Variants in DNAH5 observed in about 807,000 individuals in gnomAD.
The protein encoded by DNAH5 is dynein axonemal heavy chain 5.
In DNAH5, 372 loss-of-function variants were observed where a neutral mutation model predicts 518.2. The ratio of observed to expected loss-of-function variants is 0.72; its 90% CI spans 0.66 to 0.78. The LOEUF (loss-of-function observed/expected upper bound fraction) is 0.78. Among genes scored for constraint, DNAH5 ranks in the 30% least tolerant of loss-of-function variants. The pLI is 0.00. For missense variants in DNAH5, 5,523 were observed against 5,687.0 expected (o/e 0.97, Z 0.93); for synonymous variants, 2,039 against 2,025.9 (o/e 1.01, Z -0.17).
chr5:13,921,475 T>TCTCACACACA (rs1554103992), intron 5 of DNAH5, among the ~76,000 whole-genome samples: 8 of 73,766 alleles, frequency 1.1e-4, no homozygotes, highest in Non-Finnish European at 1.8e-4. Flanking sequence ...TATCTCTCTC[T>TCTCACACACA]CACACACACA....
chr5:13,714,281 G>GT, intron 75 of DNAH5, 124 bp downstream of exon 75: 10 of 1,068,962 alleles, frequency 9.4e-6, no homozygotes, highest in Non-Finnish European at 1.4e-5. Flanking sequence ...TAAGAAGCTG[G>GT]TTTTTAAAAG....
intron 11 of DNAH5, among the ~76,000 whole-genome samples, chr5:13,912,389 T>C (rs1776095317): frequency 6.6e-6 from 1 of 151,884 alleles, no homozygotes; most frequent in African/African-American, 2.4e-5. Flanking sequence ...ACTACAAAAT[T>C]AGTTCTATTT....
intron 1 of DNAH5, among the ~76,000 whole-genome samples, chr5:13,972,301 T>G (rs1781930132): frequency 6.6e-6 from 1 of 152,152 alleles, no homozygotes; most frequent in Non-Finnish European, 1.5e-5. Flanking sequence ...CCTGGCGCAG[T>G]TTCTATGCTC....
chr5:13,978,704 T>C (rs1437090619), intron 1 of DNAH5, among the ~76,000 whole-genome samples: 1 of 152,196 alleles, frequency 6.6e-6, no homozygotes, highest in Non-Finnish European at 1.5e-5. Context: ...GTTTGTAGCC[T>C]AGGGGCAATA....
chr5:13,868,049 C>G, intron 24 of DNAH5, 57 bp from the exon 25 acceptor site: 1 of 1,218,464 alleles, frequency 8.2e-7, no homozygotes. Flanking sequence ...AATCTACACA[C>G]AGCCATTTAT....
At position 13,769,609 on chromosome 5, in the gene DNAH5, A is replaced by C; in HGVS notation, c.9612T>G (p.Asn3204Lys). 1 of 1,613,674 alleles carries C rather than the reference A, an allele frequency of 6.2e-7. No homozygotes were observed. The highest frequency in any genetic ancestry group is 1.1e-5 in the South Asian group (1 of 91,072). ...VEVRTLANRMNTGLEKLKEAS... is the reference protein window; with the variant it reads ...VEVRTLANRMKTGLEKLKEAS... Reference sequence around the variant, plus strand: ...CTTCTTTGAGCTTTTCCAATCCAGTATTCATTCTGGGATTGAAAATCCAAG... The same window carrying C: ...CTTCTTTGAGCTTTTCCAATCCAGTCTTCATTCTGGGATTGAAAATCCAAG... Residue 3204 changes from asparagine to lysine, a missense_variant, in exon 57 of 79, where the codon AAT (asparagine) becomes AAG (lysine). Asn to Lys is a moderately conservative substitution (Grantham distance 94). Transcript: ENST00000265104.
chr5:13,804,520 G>A (rs1198075084), intron 47 of DNAH5, among the ~76,000 whole-genome samples: 1 of 152,212 alleles, frequency 6.6e-6, no homozygotes, highest in Non-Finnish European at 1.5e-5. Flanking sequence ...ATTACAGTGA[G>A]AAAGTTAATT....
At chr5:13,905,473 GA>G (rs900422894) in intron 12 of DNAH5, among the ~76,000 whole-genome samples, 1 of 152,126 alleles carries the variant, frequency 6.6e-6, no homozygotes, top group African/African-American at 2.4e-5. Context: ...AGAACTGTAA[GA>G]AATAAATTTC....
intron 55 of DNAH5, among the ~76,000 whole-genome samples, chr5:13,774,140 G>A (rs777974922): frequency 6.6e-6 from 1 of 152,164 alleles, no homozygotes; most frequent in Non-Finnish European, 1.5e-5. Flanking sequence ...TGCAATGTGA[G>A]ATGGATGGGG....
At chr5:13,816,650 A>C (rs1008116098) in intron 42 of DNAH5, among the ~76,000 whole-genome samples, 4 of 152,290 alleles carry the variant, frequency 2.6e-5, no homozygotes, top group African/African-American at 9.6e-5. Context: ...ACAAATCAGG[A>C]ATAAAATTCG....
At chr5:13,911,573 C>T (rs757100687) in intron 11 of DNAH5, 80 bp from the exon 12 acceptor site, 22 of 1,102,880 alleles carry the variant, frequency 2.0e-5, no homozygotes, top group East Asian at 8.0e-5. Context: ...AAATGTAGAG[C>T]CTATACAATA....
Position 13,758,884 on chromosome 5 carries a change from C to A in DNAH5, c.10381G>T (p.Val3461Leu). 3 of 1,614,202 alleles carry A rather than the reference C, an allele frequency of 1.9e-6. No individual in the cohort carries two copies. Among genetic ancestry groups the A allele is most frequent in the Non-Finnish European group, 2.5e-6 (3 of 1,180,028 alleles). Reference sequence around the variant, plus strand: ...ATGGCCTGTTCATACTCAGCCTGCACCACGTCAAGTTCCGCCTGCTTGTCA... The same window carrying A: ...ATGGCCTGTTCATACTCAGCCTGCAACACGTCAAGTTCCGCCTGCTTGTCA... ...LDDKQAELDV[V>L]QAEYEQAMTE... The change falls in exon 61 of 79, where the codon GTG becomes TTG. Residue 3461 changes from valine (V) to leucine (L), a missense_variant. By Grantham distance (32) the Val-to-Leu change is conservative. Around this residue, in one of 3 missense-constraint regions of DNAH5, gnomAD observed 5,121 missense variants for 5,223.3 expected, o/e 0.98. Coordinates refer to ENST00000265104, the MANE Select transcript of DNAH5 (RefSeq NM_001369.3).
At chr5:13,894,398 T>A (rs767293939) in intron 16 of DNAH5, among the ~76,000 whole-genome samples, 3 of 152,158 alleles carry the variant, frequency 2.0e-5, no homozygotes, top group Non-Finnish European at 4.4e-5. Flanking sequence ...ATACTTTAAA[T>A]CCTAATGTCC....
intron 53 of DNAH5, 23 bp from the exon 54 acceptor site, chr5:13,777,378 T>C: frequency 6.2e-7 from 1 of 1,607,864 alleles, no homozygotes; most frequent in South Asian, 1.1e-5. Context: ...TTTCATTTTG[T>C]CATTAGCTAA....
intron 70 of DNAH5, among the ~76,000 whole-genome samples, chr5:13,721,569 G>A (rs944190207): frequency 6.6e-6 from 1 of 152,098 alleles, no homozygotes; most frequent in Non-Finnish European, 1.5e-5. Flanking sequence ...CTATTGTTTA[G>A]GATGCTCTAA....
In DNAH5 at chr5:13,840,971, C is replaced by G. The variant is rs781193700; in HGVS notation, c.5644G>C (p.Glu1882Gln). The G allele has an allele frequency of 6.2e-7, 1 of 1,614,148 alleles. No homozygotes were observed. Among genetic ancestry groups the G allele is most frequent in the East Asian group, 2.2e-5 (1 of 44,878 alleles). ...ATCAGAGTCTCGTATTTCACTCGTTCCGTGGAACTCAGATCCCTCGTGGTG... is the reference window on the plus strand; with the variant it reads ...ATCAGAGTCTCGTATTTCACTCGTTGCGTGGAACTCAGATCCCTCGTGGTG... ...DVTTRDLSST[E>Q]RVKYETLITI... Residue 1882 changes from glutamate (E) to glutamine (Q), a missense_variant, in exon 34 of 79, where the codon GAA becomes CAA. Physicochemically the swap from Glu to Gln is conservative, Grantham distance 29 (BLOSUM62 2). Coordinates refer to ENST00000265104, the MANE Select transcript of DNAH5 (RefSeq NM_001369.3).
chr5:13,964,063 A>T (rs1294501317), intron 1 of DNAH5, among the ~76,000 whole-genome samples: 2 of 152,248 alleles, frequency 1.3e-5, no homozygotes, highest in African/African-American at 2.4e-5. Context: ...GCAGTAGGCT[A>T]AAACACTGTC....
intron 4 of DNAH5, 78 bp from the exon 5 acceptor site, chr5:13,922,406 G>A: frequency 7.3e-7 from 1 of 1,373,244 alleles, no homozygotes; most frequent in Middle Eastern, 1.8e-4. Flanking sequence ...TTTCTTAAAT[G>A]TTGTCACTTT....
chr5:13,718,904 T>C lies in DNAH5; in HGVS notation c.12477A>G (p.Ala4159=). 1 of 1,613,964 alleles carries C rather than the reference T, an allele frequency of 6.2e-7. No individual in the cohort carries two copies. The highest frequency in any genetic ancestry group is 8.5e-7 in the Non-Finnish European group (1 of 1,179,786). The change falls in exon 72 of 79, where the codon GCA becomes GCG. Residue 4159 remains alanine, a synonymous_variant. Transcript: ENST00000265104. ...CACCACTATATGTTCTTTTCAGTCC[T>C]GCCCGGAGTCCTTGTGGAGGATCGT... ...FANDPPQGLR[A]GLKRTYSGVS...
Sources: allele counts gnomAD v4.1 joint callset (sites outside exome capture counted in the v4.1 genomes callset), GRCh38; gene constraint gnomAD v4.1.1; regional missense constraint gnomAD v4.1.1; transcripts MANE v1.5; gene names NCBI Gene and HGNC (gene_info 2026-07-23, HGNC 2026-07-21).